The following CNTN6 variants were observed in gnomAD, a reference collection of about 807,000 sequenced individuals.
The protein encoded by CNTN6 is contactin-6.
CNTN6 carries 137 observed loss-of-function variants against 122.8 expected under a neutral mutation model. The ratio of observed to expected loss-of-function variants is 1.12; its 90% CI spans 0.97 to 1.29. The LOEUF (loss-of-function observed/expected upper bound fraction) is 1.29, where lower values mean the gene tolerates loss of function less well. CNTN6 is among the 50% of genes most tolerant of loss of function. The probability of loss-of-function intolerance (pLI) is 0.00; values close to 1 mark genes in which losing one functional copy is unlikely to be tolerated. For missense variants in CNTN6, 1,634 were observed against 1,223.4 expected (o/e 1.34, Z -5.01); for synonymous variants, 570 against 426.0 (o/e 1.34, Z -4.16).
intron 11 of CNTN6, 94 bp downstream of exon 11, chr3:1,330,029 T>G: frequency 3.1e-6 from 3 of 979,388 alleles, no homozygotes; most frequent in Non-Finnish European, 2.8e-6. Context: ...ATTTCCTCTT[T>G]TATGATAAAG....
chr3:1,396,579 T>C (rs538773905), intron 20 of CNTN6, among the ~76,000 whole-genome samples: 3 of 152,186 alleles, frequency 2.0e-5, no homozygotes, highest in Admixed American at 6.5e-5. Context: ...AAGGATATAA[T>C]GTACACCAAG....
intron 20 of CNTN6, among the ~76,000 whole-genome samples, chr3:1,394,868 G>A (rs868768013): frequency 5.3e-5 from 8 of 152,046 alleles, no homozygotes; most frequent in Admixed American, 2.6e-4. Context: ...AAAAATTTTC[G>A]AAAACAGTTA....
chr3:1,294,512 T>C (rs1695869964), intron 5 of CNTN6, among the ~76,000 whole-genome samples: 1 of 152,106 alleles, frequency 6.6e-6, no homozygotes, highest in South Asian at 2.1e-4. Flanking sequence ...TTACAGGGGG[T>C]ATATAATGGT....
chr3:1,387,105 T>TATCTA (rs546638153), intron 20 of CNTN6, among the ~76,000 whole-genome samples: 121 of 151,352 alleles, frequency 8.0e-4, no homozygotes, highest in Middle Eastern at 3.4e-3. Flanking sequence ...TTCATGTTCT[T>TATCTA]ATCTATTTAT....
chr3:1,280,459 A>ATTTTTTTTCTTTT lies in CNTN6; in HGVS notation c.454+1959_454+1960insCTTTTTTTTTTTT, dbSNP rs1553654932. 1.3e-3 allele frequency among the ~76,000 whole-genome samples: 86 copies of ATTTTTTTTCTTTT among 66,622 alleles called. 6 individuals are homozygous for ATTTTTTTTCTTTT. Among genetic ancestry groups the ATTTTTTTTCTTTT allele is most frequent in the Admixed American group, 2.4e-3 (11 of 4,620 alleles). The allele number at this position is 66,622 out of a possible 152,430, so 43.7% of individuals were successfully genotyped here. A position where few individuals can be genotyped will look rare whatever the true frequency, so the allele number is the denominator to read the frequency against. The stretch of plus-strand genomic sequence containing the variant: ...GTAATGGCAAACTTGTGTAATACCA[A>ATTTTTTTTCTTTT]TTTTTTTTTTTTTTTTTTTTTTTGT... On this transcript the variant is annotated intron_variant, in intron 5 of 22. Transcript: ENST00000446702.
intron 11 of CNTN6, among the ~76,000 whole-genome samples, chr3:1,340,108 A>G (rs1467267489): frequency 6.6e-5 from 10 of 152,160 alleles, no homozygotes; most frequent in Non-Finnish European, 1.0e-4. Context: ...AGAGAAGTTC[A>G]GCATCATACC....
At chr3:1,144,139 G>A (rs1165510751) in intron 1 of CNTN6, among the ~76,000 whole-genome samples, 1 of 152,182 alleles carries the variant, frequency 6.6e-6, no homozygotes, top group Non-Finnish European at 1.5e-5. Context: ...TTACGAGTAA[G>A]TGTTACACAT....
At position 1,345,644 on chromosome 3, in the gene CNTN6, A is replaced by G. The variant is rs574952083; in HGVS notation, c.1365-6680A>G. ...GGTGCAAAAATCATTAAAATGCAAT[A>G]TTAATATTTAATCTAAAACAGATTC... On this transcript the variant is annotated intron_variant, in intron 11 of 22. Coordinates refer to ENST00000446702, the MANE Select transcript of CNTN6 (RefSeq NM_001289080.2). Among the ~76,000 whole-genome samples the G allele has an allele frequency of 3.9e-5, 6 of 152,228 alleles. No individual in the cohort carries two copies. In the South Asian group the frequency reaches 1.0e-3, roughly 26 times the overall value.
At chr3:1,360,238 T>G (rs1707252287) in intron 12 of CNTN6, among the ~76,000 whole-genome samples, 1 of 152,134 alleles carries the variant, frequency 6.6e-6, no homozygotes, top group Non-Finnish European at 1.5e-5. Flanking sequence ...AGCCTAAACT[T>G]TGTTGATTTC....
chr3:1,280,524 G>C (rs918364871), intron 5 of CNTN6, among the ~76,000 whole-genome samples: 1 of 133,982 alleles, frequency 7.5e-6, no homozygotes, highest in African/African-American at 2.8e-5. Flanking sequence ...GAGTGCAGTG[G>C]CTCGATCTTG....
intron 2 of CNTN6, among the ~76,000 whole-genome samples, chr3:1,214,061 A>G (rs1276497232): frequency 6.6e-6 from 1 of 151,890 alleles, no homozygotes; most frequent in Non-Finnish European, 1.5e-5. Flanking sequence ...TAGCATTTAT[A>G]TTCTGTTCTA....
chr3:1,371,282 T>A (rs998294191), intron 12 of CNTN6, among the ~76,000 whole-genome samples: 1 of 152,070 alleles, frequency 6.6e-6, no homozygotes, highest in African/African-American at 2.4e-5. Context: ...TCTTATAAAT[T>A]ACCCATGGAG....
intron 1 of CNTN6, among the ~76,000 whole-genome samples, chr3:1,144,593 A>C (rs2092683992): frequency 3.6e-5 from 4 of 112,668 alleles, no homozygotes. Context: ...AATAATAATA[A>C]TAAAAAATAA....
intron 20 of CNTN6, among the ~76,000 whole-genome samples, chr3:1,388,289 C>A (rs531578032): frequency 2.7e-5 from 4 of 148,126 alleles, no homozygotes; most frequent in South Asian, 2.2e-4. Context: ...GAGGCACCCC[C>A]CAGCAGGGGC....
chr3:1,235,649 C>T (rs894191706), intron 4 of CNTN6, among the ~76,000 whole-genome samples: 1 of 152,114 alleles, frequency 6.6e-6, no homozygotes, highest in Non-Finnish European at 1.5e-5. Flanking sequence ...TGGAGACTCA[C>T]ATCATACTTT....
At chr3:1,250,857 AC>A (rs1330842013) in intron 4 of CNTN6, among the ~76,000 whole-genome samples, 5 of 151,514 alleles carry the variant, frequency 3.3e-5, no homozygotes, top group Admixed American at 2.0e-4. Flanking sequence ...TTTCTCCAAT[AC>A]CCCTCTTACC....
intron 7 of CNTN6, among the ~76,000 whole-genome samples, chr3:1,301,400 A>G (rs1332448905): frequency 6.6e-6 from 1 of 152,198 alleles, no homozygotes; most frequent in Non-Finnish European, 1.5e-5. Flanking sequence ...TGGAAAATTA[A>G]TAGTTTAAAA....
chr3:1,384,746 TACAC>T (rs10575923), intron 19 of CNTN6, among the ~76,000 whole-genome samples: 23,612 of 120,874 alleles, frequency 0.2, 3,065 homozygotes, highest in African/African-American at 0.38. Flanking sequence ...TATACATATA[TACAC>T]ATATATATAC....
chr3:1,238,964 A>G (rs2094451751), intron 4 of CNTN6, among the ~76,000 whole-genome samples: 1 of 152,184 alleles, frequency 6.6e-6, no homozygotes, highest in Non-Finnish European at 1.5e-5. Flanking sequence ...AGATATTACA[A>G]CTGATATCAC....
Sources: gnomAD v4.1 joint callset for allele counts (sites outside exome capture counted in the v4.1 genomes callset) on GRCh38, gnomAD v4.1.1 for gene constraint, MANE v1.5 for transcripts, NCBI Gene and HGNC (gene_info 2026-07-23, HGNC 2026-07-21) for gene names.